The following ADD2 variants were observed in gnomAD, a reference collection of about 807,000 sequenced individuals.
ADD2 encodes the protein beta-adducin.
In ADD2, 23 loss-of-function variants were observed where a neutral mutation model predicts 83.0. The observed-to-expected ratio is 0.28, with a 90% CI of 0.20 to 0.39. ADD2 has a LOEUF of 0.39. Ranked by LOEUF, ADD2 falls within the 10% of genes least tolerant of loss-of-function variation. ADD2 has a pLI of 1.00. For missense variants in ADD2, 758 were observed against 944.9 expected, an observed-to-expected ratio of 0.80 and a Z score of 2.59; for synonymous variants, 375 against 375.4, an observed-to-expected ratio of 1.00 and a Z score of 0.01.
chr2:70,766,179 G>C (rs953458908), intron 1 of ADD2, among the ~76,000 whole-genome samples: 1 of 152,122 alleles, frequency 6.6e-6, no homozygotes, highest in Non-Finnish European at 1.5e-5. Flanking sequence ...AAAGAACATA[G>C]GGCTTACTAC....
intron 10 of ADD2, among the ~76,000 whole-genome samples, chr2:70,680,357 G>A (rs1347578313): frequency 1.4e-4 from 21 of 152,090 alleles, no homozygotes; most frequent in Admixed American, 1.2e-3. Flanking sequence ...ATCTATTTCT[G>A]GATTCTCTAA....
At position 70,674,656 on chromosome 2, in the gene ADD2, G is replaced by A. The variant is rs570395350; in HGVS notation, c.1741+22C>T. On this transcript the variant is annotated intron_variant, in intron 14 of 15. Coordinates refer to ENST00000264436, the MANE Select transcript of ADD2 (RefSeq NM_001617.4). ...CCACCCTGGGGGACTTGGAAGCAAG[G>A]GTGTGCCTCAGGGTCATTTACCATC... is the stretch of plus-strand genomic sequence containing the variant. 3,067 of 1,608,680 alleles carry A rather than the reference G, an allele frequency of 1.9e-3. 48 individuals carry two copies. The African/African-American group carries it at 0.037, about 19-fold the overall frequency.
chr2:70,691,007 C>A, intron 7 of ADD2, 78 bp from the exon 8 acceptor site: 4 of 1,494,430 alleles, frequency 2.7e-6, no homozygotes, highest in Non-Finnish European at 3.6e-6. Context: ...CAGCTCTACT[C>A]TGGGGGCCAG....
At chr2:70,691,348 C>T (rs1204374476) in intron 7 of ADD2, among the ~76,000 whole-genome samples, 1 of 152,032 alleles carries the variant, frequency 6.6e-6, no homozygotes, top group Non-Finnish European at 1.5e-5. Context: ...GGCTGGAGAC[C>T]CTCAGCTTTG....
chr2:70,719,342 G>A (rs58158293), intron 1 of ADD2, among the ~76,000 whole-genome samples: 2,084 of 152,308 alleles, frequency 0.014, 42 homozygotes, highest in African/African-American at 0.043. Context: ...TTCTCAAAAG[G>A]CCCAGGACAG....
At chr2:70,724,344 T>C (rs935114779) in intron 1 of ADD2, among the ~76,000 whole-genome samples, 3 of 152,218 alleles carry the variant, frequency 2.0e-5, no homozygotes, top group Non-Finnish European at 2.9e-5. Flanking sequence ...ACCATTGCAG[T>C]ACCTCTGTCA....
intron 1 of ADD2, among the ~76,000 whole-genome samples, chr2:70,764,699 G>A (rs1236162310): frequency 6.6e-6 from 1 of 152,040 alleles, no homozygotes; most frequent in East Asian, 1.9e-4. Context: ...TGGGAGGATC[G>A]CTTGAGCCCA....
intron 1 of ADD2, among the ~76,000 whole-genome samples, chr2:70,737,486 A>G (rs570317593): frequency 6.6e-6 from 1 of 150,702 alleles, no homozygotes; most frequent in East Asian, 2.0e-4. Flanking sequence ...CAAAAAACCA[A>G]ACACTGCATG....
At chr2:70,741,127 A>G (rs1168351251) in intron 1 of ADD2, among the ~76,000 whole-genome samples, 1 of 152,254 alleles carries the variant, frequency 6.6e-6, no homozygotes, top group East Asian at 1.9e-4. Context: ...ATTGCCCTGC[A>G]GAGAAAGTTA....
chr2:70,765,770 GT>G (rs1553385907), intron 1 of ADD2, among the ~76,000 whole-genome samples: 2 of 152,202 alleles, frequency 1.3e-5, no homozygotes, highest in African/African-American at 4.8e-5. Flanking sequence ...TCATGCTCAT[GT>G]TTTTGTATCA....
chr2:70,679,000 A>G, intron 10 of ADD2, 39 bp from the exon 11 acceptor site: 1 of 1,557,424 alleles, frequency 6.4e-7, no homozygotes, highest in Non-Finnish European at 8.7e-7. Flanking sequence ...TGGGGTGAGA[A>G]AAAAGGCCTG....
Position 70,706,098 on chromosome 2 carries a change from C to T in ADD2, c.183+128G>A. The stretch of plus-strand genomic sequence containing the variant: ...GCCCCAGGTGACCAGATCCGTCTTG[C>T]TCAGTGGGCTTACATTTCTACTGAC... On this transcript the variant is annotated intron_variant, in intron 3 of 15. Coordinates refer to ENST00000264436, the MANE Select transcript of ADD2 (RefSeq NM_001617.4). This position sits in a 1 kb window ranked among gnomAD's most constrained non-coding sequence, Gnocchi z 5.0. The T allele has an allele frequency of 1.0e-6, 1 of 979,282 alleles. No individual in the cohort carries two copies. The highest frequency in any genetic ancestry group is 1.7e-5 in the South Asian group (1 of 57,682). The allele number at this position is 979,282 out of a possible 1,614,324, so 60.7% of individuals were successfully genotyped here. A position where few individuals can be genotyped will look rare whatever the true frequency, so the allele number is the denominator to read the frequency against.
At chr2:70,752,974 T>C (rs1406289690) in intron 1 of ADD2, among the ~76,000 whole-genome samples, 3 of 152,134 alleles carry the variant, frequency 2.0e-5, no homozygotes, top group African/African-American at 4.8e-5. Context: ...TCTGGGGAGA[T>C]AGGAACTTTG....
At position 70,683,697 on chromosome 2, in the gene ADD2, T is replaced by A; in HGVS notation, c.1019A>T (p.His340Leu). Reference protein sequence around the residue: ...ILLEQEKHRPHEVGSVQWAGS... With the variant: ...ILLEQEKHRPLEVGSVQWAGS... ...GGCCCACTGCACGGAGCCCACCTCA[T>A]GGGGCCGGTGCTTCTCCTGCTCCAG... is the stretch of plus-strand genomic sequence containing the variant. Residue 340 changes from histidine (H) to leucine (L), a missense_variant, in exon 10 of 16, where the codon CAT (histidine) becomes CTT (leucine). By Grantham distance (99) the His-to-Leu change is moderately conservative (BLOSUM62 -3). Around this residue, in one of 5 missense-constraint regions of ADD2, gnomAD observed 394 missense variants for 509.3 expected, o/e 0.77. Coordinates refer to ENST00000264436, the MANE Select transcript of ADD2 (RefSeq NM_001617.4). The A allele has an allele frequency of 6.2e-7, 1 of 1,614,176 alleles. No homozygotes were observed. Among genetic ancestry groups the A allele is most frequent in the Non-Finnish European group, 8.5e-7 (1 of 1,180,026 alleles).
At chr2:70,679,342 T>C (rs576693396) in intron 10 of ADD2, among the ~76,000 whole-genome samples, 3 of 152,224 alleles carry the variant, frequency 2.0e-5, no homozygotes, top group Non-Finnish European at 4.4e-5. Context: ...GCCTGGGCCC[T>C]GATGCAGAGT....
chr2:70,751,119 G>A (rs111360865), intron 1 of ADD2, among the ~76,000 whole-genome samples: 200 of 152,306 alleles, frequency 1.3e-3, no homozygotes, highest in Non-Finnish European at 1.9e-3. Flanking sequence ...CCTTGGATCA[G>A]TGCCTTATCT....
intron 3 of ADD2, among the ~76,000 whole-genome samples, chr2:70,705,623 G>C (rs1553374266): frequency 6.6e-6 from 1 of 152,138 alleles, no homozygotes; most frequent in African/African-American, 2.4e-5. Context: ...CCTCAAGGAG[G>C]AGCTGTGTCC....
chr2:70,690,854 A>T lies in ADD2; in HGVS notation c.781T>A (p.Phe261Ile). 2 of 1,614,142 alleles carry T rather than the reference A, an allele frequency of 1.2e-6. No individual in the cohort carries two copies. The highest frequency in any genetic ancestry group is 1.7e-6 in the Non-Finnish European group (2 of 1,180,024). ...LLVGDMAYYD[F>I]NGEMEQEADR... ...GCTTCCTGCTCCATTTCCCCATTGAAGTCATAATAGGCCATGTCCCCCACC... is the reference window on the plus strand; with the variant it reads ...GCTTCCTGCTCCATTTCCCCATTGATGTCATAATAGGCCATGTCCCCCACC... The change falls in exon 8 of 16, where the codon TTC (phenylalanine) becomes ATC (isoleucine). Residue 261 changes from phenylalanine to isoleucine, a missense_variant. Transcript: ENST00000264436.
intron 4 of ADD2, 148 bp from the exon 5 acceptor site, chr2:70,696,544 G>A: frequency 1.9e-6 from 2 of 1,067,208 alleles, no homozygotes; most frequent in South Asian, 3.1e-5. Context: ...CCTTACCTGG[G>A]GCAGGAGTCC....
Sources: gnomAD v4.1 joint callset for allele counts (sites outside exome capture counted in the v4.1 genomes callset) on GRCh38, gnomAD v4.1.1 for gene constraint, gnomAD v4.1.1 regional missense constraint, Gnocchi (gnomAD v3.1) non-coding constraint, MANE v1.5 for transcripts, NCBI Gene and HGNC (gene_info 2026-07-23, HGNC 2026-07-21) for gene names.